DNAH7: variants seen among roughly 807,000 people sequenced by gnomAD.
DNAH7 encodes axonemal beta dynein heavy chain 7.
DNAH7 carries 397 observed loss-of-function variants against 444.6 expected under a neutral mutation model. The ratio of observed to expected loss-of-function variants is 0.89; its 90% confidence interval spans 0.82 to 0.97. DNAH7 has a LOEUF of 0.97. DNAH7 is among the 50% of genes least tolerant of loss of function. The probability of loss-of-function intolerance (pLI) is 0.00; values close to 1 mark genes in which losing one functional copy is unlikely to be tolerated. For missense variants in DNAH7, 4,902 were observed against 4,800.8 expected (o/e 1.02, Z -0.62); for synonymous variants, 1,636 against 1,624.4 (o/e 1.01, Z -0.17).
At chr2:195,964,245 A>G (rs935939040) in intron 17 of DNAH7, among the ~76,000 whole-genome samples, 5 of 152,170 alleles carry the variant, frequency 3.3e-5, no homozygotes, top group African/African-American at 1.2e-4. Flanking sequence ...TAGTATGAAC[A>G]TTTTAACAAT....
intron 47 of DNAH7, among the ~76,000 whole-genome samples, chr2:195,835,766 C>T (rs777712481): frequency 2.6e-5 from 4 of 152,104 alleles, no homozygotes; most frequent in Non-Finnish European, 5.9e-5. Context: ...ATTGTTTGAA[C>T]CAGGGAGCCA....
At chr2:195,881,771 T>C (rs1430937094) in intron 36 of DNAH7, 24 bp downstream of exon 36, 1 of 1,599,640 alleles carries the variant, frequency 6.3e-7, no homozygotes. Context: ...CACAGTTTAA[T>C]ACGCAGATTT....
At position 195,754,499 on chromosome 2, in the gene DNAH7, C is replaced by A; in HGVS notation, c.11602G>T (p.Gly3868Cys). 1 of 1,613,938 alleles carries A rather than the reference C, an allele frequency of 6.2e-7. No individual in the cohort carries two copies. ...LKFLQQWYEV[G>C]PPPVFWLSGF... ...GAAAGCCAGAAGACTGGAGGAGGAC[C>A]AACCTCATACCATTGCTAGGGTGTA... is the stretch of plus-strand genomic sequence containing the variant. Residue 3868 changes from glycine to cysteine, a missense_variant, in exon 63 of 65, where the codon GGT becomes TGT. Transcript: ENST00000312428.
At chr2:196,067,281 A>G (rs1322586647) in intron 1 of DNAH7, among the ~76,000 whole-genome samples, 1 of 152,228 alleles carries the variant, frequency 6.6e-6, no homozygotes, top group African/African-American at 2.4e-5. Flanking sequence ...AACGTAGGAT[A>G]TGGTTCAAGA....
chr2:195,804,637 A>G (rs1036340476), intron 54 of DNAH7, among the ~76,000 whole-genome samples: 10 of 152,240 alleles, frequency 6.6e-5, no homozygotes, highest in Non-Finnish European at 1.3e-4. Flanking sequence ...GTGCTTAAAT[A>G]GCAGCAATAT....
intron 60 of DNAH7, 130 bp downstream of exon 60, chr2:195,775,716 T>G: frequency 9.9e-7 from 1 of 1,006,118 alleles, no homozygotes; most frequent in Non-Finnish European, 1.4e-6. Context: ...TGTATGTATT[T>G]TTGTCTTTTC....
chr2:195,782,890 A>C (rs1221728445), intron 58 of DNAH7, among the ~76,000 whole-genome samples: 1 of 152,098 alleles, frequency 6.6e-6, no homozygotes, highest in Non-Finnish European at 1.5e-5. Context: ...TTTCTACAGC[A>C]CAAGGCCCCC....
intron 27 of DNAH7, chr2:195,904,219 G>A (rs1686878187): frequency 6.6e-6 from 1 of 152,322 alleles, no homozygotes; most frequent in Admixed American, 6.5e-5. Flanking sequence ...ACATGCACAT[G>A]ACAGAACTCA....
intron 5 of DNAH7, among the ~76,000 whole-genome samples, chr2:196,029,146 T>C (rs1052503926): frequency 1.3e-5 from 2 of 152,144 alleles, no homozygotes; most frequent in Non-Finnish European, 2.9e-5. Flanking sequence ...TATAACCTCA[T>C]TACATTGTTG....
At chr2:196,057,997 G>C in intron 2 of DNAH7, 57 bp downstream of exon 2, 2 of 1,274,634 alleles carry the variant, frequency 1.6e-6, no homozygotes, top group South Asian at 4.1e-5. Flanking sequence ...AGCTTGAAAA[G>C]TAGTAAACAA....
At position 195,957,282 on chromosome 2, in the gene DNAH7, A is replaced by C. The variant is rs763602177; in HGVS notation, c.3057T>G (p.Asp1019Glu). The C allele has an allele frequency of 5.1e-6, 8 of 1,567,552 alleles. No homozygotes were observed. Among genetic ancestry groups the C allele is most frequent in the African/African-American group, 1.4e-5 (1 of 73,932 alleles). The change falls in exon 19 of 65, where the codon GAT (aspartate) becomes GAG (glutamate). Residue 1019 changes from aspartate to glutamate, a missense_variant. Coordinates refer to ENST00000312428, the MANE Select transcript of DNAH7 (RefSeq NM_018897.3). ...RFTAVDKTWR[D>E]IMRSVMQDKH... is the part of the protein sequence containing the mutation. ...CTACCTGCATGACACTTCTCATTAT[A>C]TCTCTCCATGTCTTATCCACAGCTG...
rs187692888 is a variant in DNAH7 at position 195,805,622 on chromosome 2, C to T, written c.10176+1118G>A. 4.8e-3 allele frequency among the ~76,000 whole-genome samples: 723 copies of T among 151,992 alleles called. 4 individuals carry two copies. Among genetic ancestry groups the T allele is most frequent in the Non-Finnish European group, 8.8e-3 (597 of 67,978 alleles). On this transcript the variant is annotated intron_variant, in intron 54 of 64. Coordinates refer to ENST00000312428, the MANE Select transcript of DNAH7 (RefSeq NM_018897.3). ...CAAGGTACTTCATAGGCCCCTTTCT[C>T]CTTTAAAAAAAATTAAAAATTATAT... is the stretch of plus-strand genomic sequence containing the variant.
At chr2:195,798,212 C>T (rs540899974) in intron 55 of DNAH7, among the ~76,000 whole-genome samples, 2 of 152,152 alleles carry the variant, frequency 1.3e-5, no homozygotes, top group South Asian at 2.1e-4. Flanking sequence ...AGATACTTAA[C>T]CTGTCCATGC....
At chr2:196,029,349 A>T (rs1695891358) in intron 5 of DNAH7, among the ~76,000 whole-genome samples, 1 of 152,158 alleles carries the variant, frequency 6.6e-6, no homozygotes, top group Non-Finnish European at 1.5e-5. Context: ...CTCTGTGTGA[A>T]TAACGCCTGC....
intron 9 of DNAH7, 22 bp from the exon 10 acceptor site, chr2:196,012,928 A>T (rs760020910): frequency 1.4e-6 from 2 of 1,442,196 alleles, no homozygotes; most frequent in Non-Finnish European, 9.2e-7. Flanking sequence ...AAAAATAAAC[A>T]GTAATTTAAC....
In DNAH7 at chr2:195,978,527, C is replaced by T. The variant is rs967653120; in HGVS notation, c.1834-6061G>A. Among the ~76,000 whole-genome samples the T allele has an allele frequency of 7.2e-5, 11 of 152,024 alleles. No individual in the cohort carries two copies. The East Asian group carries it at 1.5e-3, about 21-fold the overall frequency. ...TGCAAAACAACCAGAAAACAAATGA[C>T]AAAATGGCAGGAGTATAGCCTTACT... On this transcript the variant is annotated intron_variant, in intron 15 of 64. Transcript: ENST00000312428.
intron 47 of DNAH7, among the ~76,000 whole-genome samples, chr2:195,842,851 A>G (rs912289275): frequency 9.2e-5 from 14 of 152,186 alleles, no homozygotes; most frequent in Non-Finnish European, 1.9e-4. Context: ...TTTATTTGCT[A>G]GAAAACAAGA....
intron 12 of DNAH7, among the ~76,000 whole-genome samples, chr2:195,999,765 G>A (rs1385492251): frequency 6.6e-6 from 1 of 151,976 alleles, no homozygotes; most frequent in Non-Finnish European, 1.5e-5. Context: ...CAATGAAAAG[G>A]ATATCCTCAA....
intron 56 of DNAH7, 133 bp downstream of exon 56, chr2:195,796,443 T>C: frequency 9.4e-7 from 1 of 1,064,720 alleles, no homozygotes; most frequent in Non-Finnish European, 1.3e-6. Flanking sequence ...TGAGCCTCTC[T>C]CTCCTGCAAT....
Sources: allele counts gnomAD v4.1 joint callset (sites outside exome capture counted in the v4.1 genomes callset), GRCh38; gene constraint gnomAD v4.1.1; transcripts MANE v1.5; gene names NCBI Gene and HGNC (gene_info 2026-07-23, HGNC 2026-07-21).